IL27RA: variants seen among roughly 807,000 people sequenced by gnomAD.
IL27RA encodes interleukin 27 receptor subunit alpha, also known as interleukin-27 receptor subunit alpha.
A neutral mutation model predicts 80.8 loss-of-function variants in IL27RA; 61 were observed. The observed-to-expected ratio is 0.76, with a 90% CI of 0.61 to 0.93. IL27RA has a LOEUF of 0.93. Ranked by LOEUF, IL27RA falls within the 40% of genes least tolerant of loss-of-function variation. The pLI, the probability that IL27RA is intolerant of heterozygous loss-of-function variation, is 0.00. For missense variants in IL27RA, 735 were observed against 808.1 expected (o/e 0.91, Z 1.10); for synonymous variants, 316 against 332.5 (o/e 0.95, Z 0.54).
intron 2 of IL27RA, among the ~76,000 whole-genome samples, chr19:14,036,400 A>C (rs1975899350): frequency 1.3e-5 from 2 of 152,078 alleles, no homozygotes; most frequent in South Asian, 4.1e-4. Flanking sequence ...GTATCAATGA[A>C]AACATGTGGT....
At position 14,049,153 on chromosome 19, in the gene IL27RA, C is replaced by G. The variant is rs1385403230; in HGVS notation, c.1244-3C>G. 27 of 1,613,326 alleles carry G rather than the reference C, an allele frequency of 1.7e-5. No individual in the cohort carries two copies. Among genetic ancestry groups the G allele is most frequent in the Non-Finnish European group, 2.2e-5 (26 of 1,179,586 alleles). ...GACCTTGACCTACTGCCTTCCTCCC[C>G]AGCACCCCTAGTGGGGCCAACGCTT... is the stretch of plus-strand genomic sequence containing the variant. On this transcript the variant is annotated splice_region_variant and splice_polypyrimidine_tract_variant and intron_variant, in intron 9 of 13. Coordinates refer to ENST00000263379, the MANE Select transcript of IL27RA (RefSeq NM_004843.4).
chr19:14,034,908 G>A (rs1229314551), intron 2 of IL27RA, among the ~76,000 whole-genome samples: 18 of 151,658 alleles, frequency 1.2e-4, no homozygotes, highest in African/African-American at 4.4e-4. Context: ...AGCCGAGATC[G>A]CGCCACTGCA....
chr19:14,039,984 C>A, intron 4 of IL27RA, 74 bp downstream of exon 4: 1 of 1,431,984 alleles, frequency 7.0e-7, no homozygotes, highest in Non-Finnish European at 9.7e-7. Context: ...ATCTGAGACC[C>A]AGCCCAGGAC....
chr19:14,042,848 A>G, intron 6 of IL27RA, 59 bp downstream of exon 6: 1 of 1,438,948 alleles, frequency 6.9e-7, no homozygotes, highest in African/African-American at 1.4e-5. Flanking sequence ...CTAAATAACA[A>G]TGACATAAGG....
In IL27RA at chr19:14,051,588, C is replaced by A. The variant is rs1976165372; in HGVS notation, c.1529-19C>A. ...AATAAAATAAAAAATTAAGAATGAT[C>A]TCTTCCCTACCCTACCAGATAACAC... is the stretch of plus-strand genomic sequence containing the variant. On this transcript the variant is annotated intron_variant, in intron 11 of 13. Transcript: ENST00000263379. The A allele has an allele frequency of 1.3e-5, 18 of 1,333,344 alleles. No individual in the cohort carries two copies. In the East Asian group the frequency reaches 3.9e-4, roughly 29 times the overall value. 82.6% of individuals were successfully genotyped at this position (1,333,344 alleles called of 1,614,324 possible).
chr19:14,045,074 T>A (rs1388134883), intron 6 of IL27RA, among the ~76,000 whole-genome samples: 1 of 147,326 alleles, frequency 6.8e-6, no homozygotes, highest in Non-Finnish European at 1.5e-5. Context: ...GAGCTCAGAT[T>A]GCGCCACTGC....
intron 10 of IL27RA, among the ~76,000 whole-genome samples, chr19:14,050,554 T>C (rs1017747390): frequency 7.5e-6 from 1 of 133,136 alleles, no homozygotes; most frequent in Non-Finnish European, 1.6e-5. Context: ...GGAAGGTGGG[T>C]GGTGAAGGGG....
rs1599300189 is a variant in IL27RA, at chr19:14,042,554, A to G, written c.636A>G (p.Lys212=). ...TGTATGGCCGCTGCCGGATGGAGAA[A>G]GAAGAGGATTTGTGGGGCGAGTGGA... The part of the protein sequence containing the change: ...YKVYGRCRME[K]EEDLWGEWSP... The change falls in exon 5 of 14, where the codon AAA becomes AAG. Residue 212 remains lysine, a synonymous_variant. Coordinates refer to ENST00000263379, the MANE Select transcript of IL27RA (RefSeq NM_004843.4). 71 of 1,614,058 alleles carry G rather than the reference A, an allele frequency of 4.4e-5. No homozygotes were observed. The East Asian group carries it at 1.6e-3, about 36-fold the overall frequency.
chr19:14,041,228 C>G (rs1382279705), intron 4 of IL27RA, among the ~76,000 whole-genome samples: 1 of 149,876 alleles, frequency 6.7e-6, no homozygotes, highest in East Asian at 2.0e-4. Flanking sequence ...GACGGAGTCT[C>G]ACTGTGTTGC....
intron 3 of IL27RA, 40 bp from the exon 4 acceptor site, chr19:14,039,713 G>A: frequency 6.2e-7 from 1 of 1,610,142 alleles, no homozygotes; most frequent in Non-Finnish European, 8.5e-7. Flanking sequence ...GGTGCTCTTG[G>A]AGGGCGTGGC....
chr19:14,046,040 C>T (rs889531012), intron 6 of IL27RA, 114 bp from the exon 7 acceptor site: 1 of 1,062,758 alleles, frequency 9.4e-7, no homozygotes, highest in East Asian at 2.4e-5. Flanking sequence ...AACAAACAAA[C>T]AAACAAACAA....
rs1263596583 is a variant in IL27RA at position 14,046,476 on chromosome 19, G to A, written c.999G>A (p.Gly333=). 1 of 1,614,156 alleles carries A rather than the reference G, an allele frequency of 6.2e-7. No individual in the cohort carries two copies. Among genetic ancestry groups the A allele is most frequent in the Admixed American group, 1.7e-5 (1 of 59,994 alleles). ...PRSVAVSSIA[G]STELLVTWQP... ...GCGTGGCAGTCAGCAGCATCGCTGGGAGCACGGAGCTACTGGTGACCTGGC... is the reference window on the plus strand; with the variant it reads ...GCGTGGCAGTCAGCAGCATCGCTGGAAGCACGGAGCTACTGGTGACCTGGC... Residue 333 remains glycine, a synonymous_variant, in exon 8 of 14, where the codon GGG becomes GGA. Coordinates refer to ENST00000263379, the MANE Select transcript of IL27RA (RefSeq NM_004843.4).
At chr19:14,048,939 G>A (rs1261098117) in intron 8 of IL27RA, 42 bp from the exon 9 acceptor site, 2 of 1,548,660 alleles carry the variant, frequency 1.3e-6, no homozygotes, top group Non-Finnish European at 1.8e-6. Context: ...AGCATGGGAA[G>A]GAGAGCCAAC....
chr19:14,046,708 G>T, intron 8 of IL27RA, 90 bp downstream of exon 8: 4 of 1,285,360 alleles, frequency 3.1e-6, no homozygotes, highest in Non-Finnish European at 4.3e-6. Context: ...GATTAAAGTA[G>T]CGTGATGGCC....
Position 14,046,287 on chromosome 19 carries a change from T to A in IL27RA, c.902T>A (p.Val301Asp). ...GCGGAGTGGGCCAGGGTGTCCGCTGTCAACGCCACAAGCTGGGAGCCTCTC... is the reference window on the plus strand; with the variant it reads ...GCGGAGTGGGCCAGGGTGTCCGCTGACAACGCCACAAGCTGGGAGCCTCTC... ...SGAEWARVSA[V>D]NATSWEPLTN... The change falls in exon 7 of 14, where the codon GTC (valine) becomes GAC (aspartate). Residue 301 changes from valine (V) to aspartate (D), a missense_variant. Transcript: ENST00000263379. 1 of 1,614,106 alleles carries A rather than the reference T, an allele frequency of 6.2e-7. No individual in the cohort carries two copies. Among genetic ancestry groups the A allele is most frequent in the Non-Finnish European group, 8.5e-7 (1 of 1,180,034 alleles).
Position 14,049,310 on chromosome 19 carries a change from G to C in IL27RA, c.1398G>C (p.Met466Ile). 1 of 1,612,568 alleles carries C rather than the reference G, an allele frequency of 6.2e-7. No homozygotes were observed. Among genetic ancestry groups the C allele is most frequent in the Non-Finnish European group, 8.5e-7 (1 of 1,179,428 alleles). ...AQSGTSPSVC[M>I]NVSGNTQSVT... ...GTGGAACCAGCCCCTCCGTCTGCAT[G>C]AATGGTGAGCTTCCCTGCCTGCTGA... is the stretch of plus-strand genomic sequence containing the variant. Residue 466 changes from methionine to isoleucine, a missense_variant, in exon 10 of 14, where the codon ATG becomes ATC. Physicochemically the swap from Met to Ile is conservative, Grantham distance 10. Coordinates refer to ENST00000263379, the MANE Select transcript of IL27RA (RefSeq NM_004843.4).
intron 4 of IL27RA, among the ~76,000 whole-genome samples, chr19:14,041,504 A>T (rs1165153915): frequency 1.3e-5 from 2 of 152,058 alleles, no homozygotes; most frequent in Admixed American, 6.6e-5. Flanking sequence ...CCCGGCTGAG[A>T]TGCAGACTTT....
intron 2 of IL27RA, among the ~76,000 whole-genome samples, chr19:14,038,386 T>C (rs1334385272): frequency 4.6e-5 from 7 of 151,950 alleles, no homozygotes; most frequent in Admixed American, 2.0e-4. Context: ...GAGACCAGCC[T>C]GGGCAACATA....
intron 6 of IL27RA, among the ~76,000 whole-genome samples, chr19:14,045,290 G>GAA (rs998564347): frequency 2.8e-5 from 3 of 106,424 alleles, no homozygotes; most frequent in Non-Finnish European, 4.0e-5. Context: ...ATGTCAAAAA[G>GAA]AAAAAAAAAA....
Sources: gnomAD v4.1 joint callset for allele counts (sites outside exome capture counted in the v4.1 genomes callset) on GRCh38, gnomAD v4.1.1 for gene constraint, MANE v1.5 for transcripts, NCBI Gene and HGNC (gene_info 2026-07-23, HGNC 2026-07-21) for gene names.